Variants in WFDC10B observed in about 807,000 individuals in gnomAD.
The protein encoded by WFDC10B is protein WFDC10B.
Under a neutral mutation model 2.7 loss-of-function variants are expected in WFDC10B, and 1 was observed. The observed-to-expected ratio is 0.38, with a 90% CI of 0.13 to 1.79. WFDC10B has a LOEUF of 1.79. Ranked by LOEUF, WFDC10B falls within the 40% of genes most tolerant of loss-of-function variation. The probability of loss-of-function intolerance (pLI) is 0.33; values close to 1 mark genes in which losing one functional copy is unlikely to be tolerated. For synonymous variants in WFDC10B, 26 were observed against 32.2 expected (o/e 0.81, Z 0.65); for missense variants, 71 against 87.8 (o/e 0.81, Z 0.76).
chr20:45,685,000 C>G, intron 3 of WFDC10B, 40 bp from the exon 4 acceptor site: 1 of 1,611,108 alleles, frequency 6.2e-7, no homozygotes, highest in Non-Finnish European at 8.5e-7. Context: ...AACCATGCAC[C>G]TATAGAGCAG....
intron 2 of WFDC10B, among the ~76,000 whole-genome samples, chr20:45,693,249 C>T (rs1983873933): frequency 6.6e-6 from 1 of 152,182 alleles, no homozygotes; most frequent in African/African-American, 2.4e-5. Context: ...TGGGGGGTGC[C>T]TCCCAGTTAG....
chr20:45,692,380 C>T (rs1426068985), intron 2 of WFDC10B, among the ~76,000 whole-genome samples: 1 of 151,964 alleles, frequency 6.6e-6, no homozygotes, highest in African/African-American at 2.4e-5. Flanking sequence ...TGAATGTTGG[C>T]CTGCCTTGCT....
In WFDC10B at chr20:45,704,490, T is replaced by C. The variant is rs749047266; in HGVS notation, c.-65+7A>G. The C allele has an allele frequency of 6.8e-6, 11 of 1,614,022 alleles. No individual in the cohort carries two copies. The Admixed American group carries it at 1.8e-4, about 27-fold the overall frequency. On this transcript the variant is annotated splice_region_variant and intron_variant, in intron 2 of 3. Transcript: ENST00000330523. ...CCTGCATATCAGCACCTGAAAACTG[T>C]ACTCACCTGTGTACAATGCAGGAAG...
chr20:45,703,611 G>A (rs1984264640), intron 2 of WFDC10B, among the ~76,000 whole-genome samples: 1 of 152,152 alleles, frequency 6.6e-6, no homozygotes, highest in African/African-American at 2.4e-5. Context: ...GATTAATGGG[G>A]CCCATCTTTA....
chr20:45,688,781 A>G (rs545676823), intron 2 of WFDC10B, among the ~76,000 whole-genome samples: 2 of 152,218 alleles, frequency 1.3e-5, no homozygotes, highest in African/African-American at 2.4e-5. Context: ...ATTTTCTCCC[A>G]TTTTATGGGT....
chr20:45,695,383 C>T (rs1035255103), intron 2 of WFDC10B, among the ~76,000 whole-genome samples: 3 of 152,030 alleles, frequency 2.0e-5, no homozygotes, highest in African/African-American at 7.3e-5. Context: ...AACATGTAGA[C>T]AGAAAAATCA....
chr20:45,694,439 CATG>C (rs765054796), intron 2 of WFDC10B, among the ~76,000 whole-genome samples: 11 of 152,046 alleles, frequency 7.2e-5, no homozygotes, highest in Non-Finnish European at 1.5e-4. Flanking sequence ...AAACAAAAAA[CATG>C]ATTATATATC....
chr20:45,696,269 G>C (rs929629136), intron 2 of WFDC10B, among the ~76,000 whole-genome samples: 2 of 131,186 alleles, frequency 1.5e-5, no homozygotes, highest in Admixed American at 8.6e-5. Flanking sequence ...CTAGGCGACA[G>C]AGCAAGACTC....
Position 45,684,783 on chromosome 20 carries a change from T to C in WFDC10B, c.*47A>G, listed in dbSNP as rs371636386. The C allele has an allele frequency of 6.2e-7, 1 of 1,602,732 alleles. No individual in the cohort carries two copies. The highest frequency in any genetic ancestry group is 1.7e-5 in the Admixed American group (1 of 59,188). ...CTTCGGATGTGGGCACAGTCTCGGA[T>C]GGAAGGGTTCAGGGAGCAGGATGCA... On this transcript the variant is annotated 3_prime_UTR_variant, in exon 4 of 4. Transcript: ENST00000330523.
In WFDC10B at chr20:45,698,674, T is replaced by C. The variant is rs548054436; in HGVS notation, c.-65+5823A>G. 1.2e-4 allele frequency among the ~76,000 whole-genome samples: 18 copies of C among 151,668 alleles called. No individual in the cohort carries two copies. In the South Asian group the frequency reaches 3.7e-3, roughly 32 times the overall value. ...AATGACCAACAAGCACATGAAAATA[T>C]GCTCAATATCGGCTGGGCACGGTGG... On this transcript the variant is annotated intron_variant, in intron 2 of 3. Coordinates refer to ENST00000330523, the MANE Select transcript of WFDC10B (RefSeq NM_172006.2).
At chr20:45,703,515 G>A (rs1381147336) in intron 2 of WFDC10B, among the ~76,000 whole-genome samples, 1 of 152,044 alleles carries the variant, frequency 6.6e-6, no homozygotes, top group Non-Finnish European at 1.5e-5. Context: ...ATTTGCAATA[G>A]AATGCCCCAC....
intron 3 of WFDC10B, among the ~76,000 whole-genome samples, chr20:45,685,486 C>A (rs1257506081): frequency 1.3e-5 from 2 of 152,094 alleles, no homozygotes; most frequent in South Asian, 4.1e-4. Context: ...CTTTTCATTG[C>A]TTATGTCCTT....
intron 2 of WFDC10B, among the ~76,000 whole-genome samples, chr20:45,698,422 A>G (rs546673010): frequency 4.9e-4 from 75 of 152,316 alleles, no homozygotes; most frequent in African/African-American, 1.8e-3. Flanking sequence ...CAAAAGAAAA[A>G]AAAATCGGAC....
rs574219315 is a variant in WFDC10B at position 45,689,797 on chromosome 20, T to C, written c.-64-3741A>G. The stretch of plus-strand genomic sequence containing the variant: ...TCATGTCATCTGCAAACAGGGACAA[T>C]TTGACTTCCTCTTTTCCTAATTGAA... On this transcript the variant is annotated intron_variant, in intron 2 of 3. Transcript: ENST00000330523. 1.2e-4 allele frequency among the ~76,000 whole-genome samples: 19 copies of C among 152,316 alleles called. No homozygotes were observed. The East Asian group carries it at 1.7e-3, about 14-fold the overall frequency.
intron 2 of WFDC10B, among the ~76,000 whole-genome samples, chr20:45,694,096 A>ATGAT (rs1360842029): frequency 6.6e-6 from 1 of 152,188 alleles, no homozygotes; most frequent in Non-Finnish European, 1.5e-5. Context: ...GTTCACTCTG[A>ATGAT]TGATAGTCTA....
intron 2 of WFDC10B, among the ~76,000 whole-genome samples, chr20:45,690,879 T>C (rs1374489908): frequency 1.3e-5 from 2 of 152,218 alleles, no homozygotes; most frequent in Non-Finnish European, 2.9e-5. Flanking sequence ...TTCTGCTAGC[T>C]TTTGAATGTG....
chr20:45,699,772 G>C (rs975020180), intron 2 of WFDC10B, among the ~76,000 whole-genome samples: 2 of 152,120 alleles, frequency 1.3e-5, no homozygotes, highest in Non-Finnish European at 2.9e-5. Context: ...TCTGCCTCCC[G>C]GGTTCAAGCG....
intron 2 of WFDC10B, among the ~76,000 whole-genome samples, chr20:45,688,408 T>G (rs963083728): frequency 6.6e-6 from 1 of 152,174 alleles, no homozygotes; most frequent in African/African-American, 2.4e-5. Context: ...GATGGCTGGG[T>G]CAAATGGTAT....
intron 2 of WFDC10B, among the ~76,000 whole-genome samples, chr20:45,704,088 G>T (rs2145645157): frequency 6.6e-6 from 1 of 152,330 alleles, no homozygotes; most frequent in Non-Finnish European, 1.5e-5. Context: ...ATGAATCAGT[G>T]CAGAACGAAC....
Sources: gnomAD v4.1 joint callset for allele counts (sites outside exome capture counted in the v4.1 genomes callset) on GRCh38, gnomAD v4.1.1 for gene constraint, MANE v1.5 for transcripts, NCBI Gene and HGNC (gene_info 2026-07-23, HGNC 2026-07-21) for gene names.